The following CASK variants were observed in gnomAD, a reference collection of about 807,000 sequenced individuals.
The protein encoded by CASK is peripheral plasma membrane protein CASK.
In CASK, 4 loss-of-function variants were observed where a neutral mutation model predicts 82.9. That is an observed-to-expected ratio of 0.05 (90% confidence interval 0.02 to 0.11). The LOEUF (loss-of-function observed/expected upper bound fraction) is 0.11, where lower values mean the gene tolerates loss of function less well. Among genes scored for constraint, CASK ranks in the 10% least tolerant of loss-of-function variants. CASK has a pLI of 1.00. For missense variants in CASK, 358 were observed against 720.9 expected, an observed-to-expected ratio of 0.50 and a Z score of 5.76; for synonymous variants, 259 against 253.5, an observed-to-expected ratio of 1.02 and a Z score of -0.20.
rs748263431 is a variant in CASK at position 41,757,427 on chromosome X, CCTAA to C, written c.279-11830_279-11827del. On this transcript the variant is annotated intron_variant, in intron 3 of 26. Coordinates refer to ENST00000378163, the MANE Select transcript of CASK (RefSeq NM_001367721.1). Reference sequence around the variant, plus strand: ...ATAAGCCTGTCTGCCTATTCTAGCTCCTAACTGTTTCTTCCAATGAACTTATGAG... The same window carrying C: ...ATAAGCCTGTCTGCCTATTCTAGCTCCTGTTTCTTCCAATGAACTTATGAG... 8.0e-5 allele frequency among the ~76,000 whole-genome samples: 9 copies of C among 111,961 alleles called. No homozygotes were observed. The East Asian group carries it at 1.7e-3, about 21-fold the overall frequency.
At chrX:41,902,628 T>C (rs950058543) in intron 1 of CASK, among the ~76,000 whole-genome samples, 3 of 112,148 alleles carry the variant, frequency 2.7e-5, no homozygotes, top group Non-Finnish European at 3.8e-5. Flanking sequence ...GATGTGTACA[T>C]CTTTGGTGGG....
At chrX:41,863,875 T>C (rs2071540227) in intron 1 of CASK, among the ~76,000 whole-genome samples, 1 of 112,237 alleles carries the variant, frequency 8.9e-6, no homozygotes, top group South Asian at 3.7e-4. Flanking sequence ...TCTGGAAGTC[T>C]GAAATTACAT....
At chrX:41,841,511 G>C (rs201556728) in intron 2 of CASK, among the ~76,000 whole-genome samples, 3 of 80,217 alleles carry the variant, frequency 3.7e-5, no homozygotes, top group Non-Finnish European at 5.0e-5. Flanking sequence ...TTTCCTTTTT[G>C]TTTTTTTTTT....
At chrX:41,920,051 T>C (rs983030143) in intron 1 of CASK, among the ~76,000 whole-genome samples, 5 of 111,699 alleles carry the variant, frequency 4.5e-5, no homozygotes, top group Admixed American at 2.9e-4. Flanking sequence ...ACACAGTGGG[T>C]GAGTGAGTAG....
chrX:41,792,839 C>A (rs1284351909), intron 2 of CASK, among the ~76,000 whole-genome samples: 1 of 111,245 alleles, frequency 9.0e-6, no homozygotes, highest in Non-Finnish European at 1.9e-5. Flanking sequence ...ACACTTATAG[C>A]AAATCTCAAT....
chrX:41,525,144 T>C (rs142292223), intron 25 of CASK, among the ~76,000 whole-genome samples: 1 of 111,653 alleles, frequency 9.0e-6, no homozygotes, highest in African/African-American at 3.3e-5. Context: ...ATGATCTTTC[T>C]GAAATTCAAA....
chrX:41,777,391 C>T (rs749047193), intron 3 of CASK, among the ~76,000 whole-genome samples: 1 of 108,405 alleles, frequency 9.2e-6, no homozygotes, highest in Non-Finnish European at 1.9e-5. Flanking sequence ...ACTCGGGAGG[C>T]TGAGGCACGA....
chrX:41,616,661 A>T (rs542722871), intron 11 of CASK, among the ~76,000 whole-genome samples: 3 of 107,061 alleles, frequency 2.8e-5, no homozygotes, highest in African/African-American at 1.0e-4. Flanking sequence ...AGGCTGGCAT[A>T]CAGTGGCATG....
intron 2 of CASK, among the ~76,000 whole-genome samples, chrX:41,834,229 C>T (rs1235978138): frequency 9.0e-6 from 1 of 111,482 alleles, no homozygotes; most frequent in Non-Finnish European, 1.9e-5. Flanking sequence ...GATTTTGATA[C>T]ATATTACAAC....
At chrX:41,839,911 C>T (rs966478332) in intron 2 of CASK, among the ~76,000 whole-genome samples, 2 of 110,942 alleles carry the variant, frequency 1.8e-5, no homozygotes, top group Admixed American at 1.9e-4. Context: ...TCTAGGGTCT[C>T]TATTCTATTC....
chrX:41,916,245 T>C (rs1273491471), intron 1 of CASK, among the ~76,000 whole-genome samples: 2 of 112,559 alleles, frequency 1.8e-5, no homozygotes, highest in East Asian at 2.8e-4. Flanking sequence ...AACTAATTAA[T>C]AAAGAAAAGT....
At chrX:41,807,091 T>C (rs190785000) in intron 2 of CASK, among the ~76,000 whole-genome samples, 2 of 111,477 alleles carry the variant, frequency 1.8e-5, no homozygotes, top group East Asian at 5.6e-4. Context: ...TAGGTAAATT[T>C]TTCTTAAAAA....
chrX:41,873,028 G>T (rs2071732579), intron 1 of CASK, among the ~76,000 whole-genome samples: 1 of 111,322 alleles, frequency 9.0e-6, no homozygotes, highest in African/African-American at 3.3e-5. Context: ...TTACAGAAAA[G>T]TGCTTTTGTC....
chrX:41,611,351 A>C (rs2066041593), intron 11 of CASK, among the ~76,000 whole-genome samples: 1 of 111,468 alleles, frequency 9.0e-6, no homozygotes, highest in Non-Finnish European at 1.9e-5. Context: ...AACATATATC[A>C]AAAAGCCTTA....
intron 20 of CASK, among the ~76,000 whole-genome samples, chrX:41,554,253 T>C (rs893278883): frequency 2.7e-5 from 3 of 112,070 alleles, no homozygotes; most frequent in African/African-American, 9.7e-5. Flanking sequence ...TAAACCTGCA[T>C]TGGTGATGCT....
chrX:41,733,554 C>G (rs1381158931), intron 5 of CASK, among the ~76,000 whole-genome samples: 1 of 109,959 alleles, frequency 9.1e-6, no homozygotes, highest in Non-Finnish European at 1.9e-5. Context: ...CGAAACCATC[C>G]TGGCTAACAC....
intron 1 of CASK, among the ~76,000 whole-genome samples, chrX:41,897,023 G>A (rs1268957709): frequency 9.0e-6 from 1 of 111,696 alleles, no homozygotes; most frequent in East Asian, 2.8e-4. Flanking sequence ...TTTTGGTGGA[G>A]TTTTAAGAGT....
At chrX:41,647,125 G>T (rs1425357106) in intron 8 of CASK, among the ~76,000 whole-genome samples, 1 of 111,758 alleles carries the variant, frequency 8.9e-6, no homozygotes, top group Non-Finnish European at 1.9e-5. Context: ...TCTCAACAAG[G>T]CATCGATCAA....
At chrX:41,768,210 T>C (rs746869152) in intron 3 of CASK, among the ~76,000 whole-genome samples, 45 of 111,334 alleles carry the variant, frequency 4.0e-4, no homozygotes, top group Non-Finnish European at 6.8e-4. Flanking sequence ...CTTCAGGCAC[T>C]CTAAGATGCT....
Sources: gnomAD v4.1 joint callset for allele counts (sites outside exome capture counted in the v4.1 genomes callset) on GRCh38, gnomAD v4.1.1 for gene constraint, MANE v1.5 for transcripts, NCBI Gene and HGNC (gene_info 2026-07-23, HGNC 2026-07-21) for gene names.